Variants in TPD52L1 observed in about 807,000 individuals in gnomAD.
TPD52L1 encodes TPD52 like 1, also known as tumor protein D53.
TPD52L1 carries 18 observed loss-of-function variants against 28.7 expected under a neutral mutation model. That is an observed-to-expected ratio of 0.63 (90% CI 0.43 to 0.93). The LOEUF (loss-of-function observed/expected upper bound fraction) is 0.93, where lower values mean the gene tolerates loss of function less well. Among genes scored for constraint, TPD52L1 ranks in the 40% least tolerant of loss-of-function variants. The pLI is 0.00. For missense variants in TPD52L1, 203 were observed against 254.8 expected (o/e 0.80, Z 1.39); for synonymous variants, 75 against 88.8 (o/e 0.84, Z 0.88).
chr6:125,154,020 A>C (rs776762327), intron 1 of TPD52L1, 50 bp downstream of exon 1: 1 of 1,577,320 alleles, frequency 6.3e-7, no homozygotes, highest in Non-Finnish European at 8.6e-7. Flanking sequence ...GCGCGCATAA[A>C]GGCTCTTTTC....
In TPD52L1 at chr6:125,210,153, G is replaced by A. The variant is rs188506201; in HGVS notation, c.20-9925G>A. Among the ~76,000 whole-genome samples, 63 of 152,240 alleles carry A rather than the reference G, an allele frequency of 4.1e-4. No individual in the cohort carries two copies. The East Asian group carries it at 0.012, about 28-fold the overall frequency. Reference sequence around the variant, plus strand: ...AAATAATCAGGCCTCAGGCCAGGCCGAATTATAAATTCCAATGAGCTCAGA... The same window carrying A: ...AAATAATCAGGCCTCAGGCCAGGCCAAATTATAAATTCCAATGAGCTCAGA... On this transcript the variant is annotated intron_variant, in intron 1 of 6. Coordinates refer to ENST00000534000, the MANE Select transcript of TPD52L1 (RefSeq NM_003287.4).
At chr6:125,172,147 TCTTTCTTTCTTTTC>T (rs1562211222) in intron 1 of TPD52L1, among the ~76,000 whole-genome samples, 1 of 74,758 alleles carries the variant, frequency 1.3e-5, no homozygotes, top group Non-Finnish European at 2.4e-5. Context: ...TTTCTTTCTT[TCTTTCTTTCTTTTC>T]TTTCTTTCTT....
chr6:125,257,287 A>G, intron 6 of TPD52L1, 129 bp downstream of exon 6: 1 of 650,832 alleles, frequency 1.5e-6, no homozygotes. Context: ...CTTTTCTTTC[A>G]CATATAAATC....
In TPD52L1 at chr6:125,172,161, C is replaced by CT. The variant is rs1415567083; in HGVS notation, c.19+18194dup. On this transcript the variant is annotated intron_variant, in intron 1 of 6. Transcript: ENST00000534000. Reference sequence around the variant, plus strand: ...CTTTCTTTCTTTCTTTCTTTCTTTTCTTTCTTTCTTTCTTTCTTTCTTTCT... The same window carrying CT: ...CTTTCTTTCTTTCTTTCTTTCTTTTCTTTTCTTTCTTTCTTTCTTTCTTTCT... Among the ~76,000 whole-genome samples the CT allele has an allele frequency of 9.1e-3, 457 of 50,264 alleles. 1 individual carries two copies. Among genetic ancestry groups the CT allele is most frequent in the Middle Eastern group, 0.019 (2 of 104 alleles). The allele number at this position is 50,264 out of a possible 152,430, so 33.0% of individuals were successfully genotyped here.
At chr6:125,180,693 A>G (rs1792135270) in intron 1 of TPD52L1, among the ~76,000 whole-genome samples, 1 of 152,162 alleles carries the variant, frequency 6.6e-6, no homozygotes, top group African/African-American at 2.4e-5. Flanking sequence ...TCAACTTACA[A>G]TGGAAAACAT....
chr6:125,196,502 C>T (rs767062867), intron 1 of TPD52L1, among the ~76,000 whole-genome samples: 2 of 152,262 alleles, frequency 1.3e-5, no homozygotes, highest in Admixed American at 6.5e-5. Flanking sequence ...GACCAATGAT[C>T]GCCAAATTAT....
intron 1 of TPD52L1, among the ~76,000 whole-genome samples, chr6:125,211,937 G>A (rs985722059): frequency 3.9e-5 from 6 of 152,174 alleles, no homozygotes; most frequent in Non-Finnish European, 8.8e-5. Context: ...TGCACAGAAA[G>A]TACAATTCTA....
intron 1 of TPD52L1, among the ~76,000 whole-genome samples, chr6:125,216,975 A>G (rs944770050): frequency 6.6e-6 from 1 of 152,174 alleles, no homozygotes; most frequent in Non-Finnish European, 1.5e-5. Context: ...CTGATTTTGT[A>G]GGATAATTAT....
chr6:125,175,187 A>G (rs1791744961), intron 1 of TPD52L1, among the ~76,000 whole-genome samples: 1 of 152,086 alleles, frequency 6.6e-6, no homozygotes, highest in South Asian at 2.1e-4. Context: ...CCGTATCCCC[A>G]TATCTAAAAC....
chr6:125,230,924 T>C (rs1030347524), intron 3 of TPD52L1, among the ~76,000 whole-genome samples: 2 of 152,190 alleles, frequency 1.3e-5, no homozygotes, highest in Non-Finnish European at 2.9e-5. Flanking sequence ...AAACCACACA[T>C]TGATGTGCAG....
At chr6:125,154,086 C>A in intron 1 of TPD52L1, 116 bp downstream of exon 1, 1 of 1,450,314 alleles carries the variant, frequency 6.9e-7, no homozygotes, top group Non-Finnish European at 9.2e-7. Context: ...GTTGCACATC[C>A]AGAACTCCAC....
At chr6:125,218,442 A>G (rs1277468288) in intron 1 of TPD52L1, among the ~76,000 whole-genome samples, 2 of 152,050 alleles carry the variant, frequency 1.3e-5, no homozygotes, top group Non-Finnish European at 2.9e-5. Flanking sequence ...CCATATTTCT[A>G]TTGGATTATT....
intron 2 of TPD52L1, among the ~76,000 whole-genome samples, chr6:125,223,708 C>CAAA (rs11294390): frequency 0.051 from 3,641 of 71,108 alleles, 226 homozygotes; most frequent in Middle Eastern, 0.1. Context: ...GATTCCATCT[C>CAAA]AAAAAAAAAA....
intron 1 of TPD52L1, among the ~76,000 whole-genome samples, chr6:125,170,668 G>A (rs528574057): frequency 6.6e-6 from 1 of 152,112 alleles, no homozygotes; most frequent in South Asian, 2.1e-4. Context: ...TTTTGTCTAT[G>A]ACCCAGAAGT....
chr6:125,153,840 A>G lies in TPD52L1; in HGVS notation c.-112A>G. On this transcript the variant is annotated 5_prime_UTR_variant, in exon 1 of 7. Transcript: ENST00000534000. ...GCGCAGCGCTCGCGACACGCGTGCC[A>G]GGAGTGGGAGCGAGCGGCGGGGCCA... The G allele has an allele frequency of 7.9e-7, 1 of 1,263,442 alleles. No individual in the cohort carries two copies. Among genetic ancestry groups the G allele is most frequent in the Non-Finnish European group, 1.1e-6 (1 of 936,054 alleles). The allele number at this position is 1,263,442 out of a possible 1,614,324, so 78.3% of individuals were successfully genotyped here.
chr6:125,247,467 C>T (rs981360207), intron 3 of TPD52L1, among the ~76,000 whole-genome samples: 3 of 152,106 alleles, frequency 2.0e-5, no homozygotes, highest in Non-Finnish European at 2.9e-5. Flanking sequence ...TATCACTTAC[C>T]ATCTCCTGTT....
chr6:125,190,446 CT>C (rs1406288351), intron 1 of TPD52L1, among the ~76,000 whole-genome samples: 3 of 152,144 alleles, frequency 2.0e-5, no homozygotes, highest in African/African-American at 7.2e-5. Context: ...GCAGCAGTCC[CT>C]AACCTTTTGG....
intron 1 of TPD52L1, among the ~76,000 whole-genome samples, chr6:125,163,550 C>G (rs1190475843): frequency 6.7e-6 from 1 of 149,818 alleles, no homozygotes; most frequent in African/African-American, 2.5e-5. Flanking sequence ...TCATTGCACT[C>G]TAGCCTGGGC....
intron 1 of TPD52L1, among the ~76,000 whole-genome samples, chr6:125,178,128 A>T (rs1198391560): frequency 6.6e-6 from 1 of 152,212 alleles, no homozygotes; most frequent in Admixed American, 6.5e-5. Context: ...TAAAATAACA[A>T]ATATTCAAGT....
Sources: allele counts gnomAD v4.1 joint callset (sites outside exome capture counted in the v4.1 genomes callset), GRCh38; gene constraint gnomAD v4.1.1; transcripts MANE v1.5; gene names NCBI Gene and HGNC (gene_info 2026-07-23, HGNC 2026-07-21).